YEATS4: variants seen among roughly 807,000 people sequenced by gnomAD.
The protein encoded by YEATS4 is YEATS domain containing 4.
Under a neutral mutation model 30.1 loss-of-function variants are expected in YEATS4, and 17 were observed. The observed-to-expected ratio is 0.56, with a 90% CI of 0.39 to 0.85. The LOEUF is 0.85. Among genes scored for constraint, YEATS4 ranks in the 40% least tolerant of loss-of-function variants. The pLI, the probability that YEATS4 is intolerant of heterozygous loss-of-function variation, is 0.00. For missense variants in YEATS4, 142 were observed against 268.3 expected, an observed-to-expected ratio of 0.53 and a Z score of 3.29; for synonymous variants, 85 against 87.5, an observed-to-expected ratio of 0.97 and a Z score of 0.16.
At chr12:69,408,879 T>C in the YEATS4 span, among the ~76,000 whole-genome samples, 1 of 152,174 alleles carries the variant, frequency 6.6e-6, no homozygotes, top group Non-Finnish European at 1.5e-5. Context: ...TCAAAAATAG[T>C]GAGACTCACA....
At chr12:69,414,189 A>G in the YEATS4 span, among the ~76,000 whole-genome samples, 2 of 152,198 alleles carry the variant, frequency 1.3e-5, no homozygotes, top group Non-Finnish European at 2.9e-5. Context: ...CTAAGCAACG[A>G]TTGCATGTTC....
intron 2 of YEATS4, chr12:69,364,281 A>G (rs1875344131): frequency 2.9e-6 from 1 of 350,646 alleles, no homozygotes; most frequent in African/African-American, 2.2e-5. Flanking sequence ...GTAAGACTCC[A>G]TCTCTACAGA....
chr12:69,382,271 A>G (rs1161029919), intron 6 of YEATS4, among the ~76,000 whole-genome samples: 1 of 152,156 alleles, frequency 6.6e-6, no homozygotes, highest in Non-Finnish European at 1.5e-5. Context: ...GCTTGTGTCC[A>G]TCCCTTAAGG....
At chr12:69,363,724 C>T (rs1875323901) in intron 2 of YEATS4, among the ~76,000 whole-genome samples, 4 of 152,174 alleles carry the variant, frequency 2.6e-5, no homozygotes, top group Admixed American at 2.6e-4. Flanking sequence ...ATTTAAAACC[C>T]TTCAGAGTCT....
the YEATS4 span, among the ~76,000 whole-genome samples, chr12:69,402,822 C>G: frequency 4.7e-5 from 7 of 148,132 alleles, no homozygotes; most frequent in African/African-American, 1.7e-4. Flanking sequence ...ATCTCCTGGG[C>G]TCATGCAATT....
chr12:69,373,795 T>C (rs1641621025), intron 6 of YEATS4, among the ~76,000 whole-genome samples: 2 of 152,206 alleles, frequency 1.3e-5, no homozygotes, highest in Admixed American at 1.3e-4. Flanking sequence ...TTAATTTGAT[T>C]TTTGTATATG....
chr12:69,391,737 TATC>T (rs1868317331), downstream of YEATS4, among the ~76,000 whole-genome samples: 1 of 152,162 alleles, frequency 6.6e-6, no homozygotes, highest in Admixed American at 6.5e-5. Context: ...CTGCCAGGCT[TATC>T]ATGATAAGAT....
chr12:69,378,784 A>G (rs2121009398), intron 6 of YEATS4, among the ~76,000 whole-genome samples: 1 of 152,280 alleles, frequency 6.6e-6, no homozygotes, highest in East Asian at 1.9e-4. Flanking sequence ...TCATATTTCT[A>G]CCTAAGACTT....
At chr12:69,410,084 T>C in the YEATS4 span, among the ~76,000 whole-genome samples, 1 of 152,218 alleles carries the variant, frequency 6.6e-6, no homozygotes, top group Non-Finnish European at 1.5e-5. Context: ...TGAAACTATA[T>C]TATGGCAGCC....
In YEATS4 at chr12:69,380,699, G is replaced by A. The variant is rs141716454; in HGVS notation, c.515-9448G>A. Among the ~76,000 whole-genome samples, 6 of 152,320 alleles carry A rather than the reference G, an allele frequency of 3.9e-5. No homozygotes were observed. In the East Asian group the frequency reaches 1.2e-3, roughly 29 times the overall value. On this transcript the variant is annotated intron_variant, in intron 6 of 6. Coordinates refer to ENST00000247843, the MANE Select transcript of YEATS4 (RefSeq NM_006530.4). Reference sequence around the variant, plus strand: ...GGGGAAATTCAGCCAGATATCGGGTGAAATTCACCCCCAATATTTCACGTA... The same window carrying A: ...GGGGAAATTCAGCCAGATATCGGGTAAAATTCACCCCCAATATTTCACGTA...
the YEATS4 span, among the ~76,000 whole-genome samples, chr12:69,405,722 G>A: frequency 1.3e-5 from 2 of 152,128 alleles, no homozygotes; most frequent in Non-Finnish European, 2.9e-5. Context: ...AGGATGGAGT[G>A]GAACTGCAAG....
the YEATS4 span, among the ~76,000 whole-genome samples, chr12:69,402,336 C>T: frequency 1.2e-5 from 1 of 83,752 alleles, no homozygotes; most frequent in African/African-American, 3.8e-5. Context: ...TGGGGCCATT[C>T]GTTGTGGGCC....
chr12:69,360,061 C>G (rs1463347405), intron 1 of YEATS4, 38 bp downstream of exon 1: 13 of 1,605,622 alleles, frequency 8.1e-6, no homozygotes, highest in Admixed American at 1.7e-5. Flanking sequence ...GGGTGGCTCT[C>G]CCGCCTCGGT....
intron 4 of YEATS4, among the ~76,000 whole-genome samples, chr12:69,366,825 T>G (rs574316029): frequency 5.3e-4 from 81 of 152,348 alleles, no homozygotes; most frequent in Admixed American, 2.4e-3. Flanking sequence ...GACCAGTATT[T>G]CAGCAAACCG....
At chr12:69,426,614 G>T in the YEATS4 span, among the ~76,000 whole-genome samples, 1 of 152,008 alleles carries the variant, frequency 6.6e-6, no homozygotes, top group Non-Finnish European at 1.5e-5. Flanking sequence ...CAGGTGATCC[G>T]CCTGCCTCAG....
the YEATS4 span, among the ~76,000 whole-genome samples, chr12:69,412,530 G>A: frequency 1.3e-5 from 2 of 152,120 alleles, no homozygotes; most frequent in Admixed American, 6.5e-5. Flanking sequence ...GCAGGGGCCT[G>A]TAGTCCCAGA....
chr12:69,375,721 C>T lies in YEATS4; in HGVS notation c.514+4746C>T, dbSNP rs557076944. On this transcript the variant is annotated intron_variant, in intron 6 of 6. Coordinates refer to ENST00000247843, the MANE Select transcript of YEATS4 (RefSeq NM_006530.4). ...CTGGAGACCAGCCCAGCCAACACGG[C>T]GAAACCCCGTCTCCACCAAAAAATA... 5.9e-5 allele frequency among the ~76,000 whole-genome samples: 9 copies of T among 152,258 alleles called. No homozygotes were observed. The East Asian group carries it at 1.7e-3, about 30-fold the overall frequency.
At chr12:69,376,560 G>A (rs550791885) in intron 6 of YEATS4, among the ~76,000 whole-genome samples, 3 of 152,288 alleles carry the variant, frequency 2.0e-5, no homozygotes, top group East Asian at 1.9e-4. Flanking sequence ...GATAAATCCC[G>A]CTTGGTCACG....
Position 69,365,599 on chromosome 12 carries a change from A to G in YEATS4, c.172-34A>G, listed in dbSNP as rs76250346. ...ATTTTTTTTCCTAGTTTTCATTTGT[A>G]GATCATAAAACTAACTAATTCCTTA... On this transcript the variant is annotated intron_variant, in intron 2 of 6. Transcript: ENST00000247843. 903 of 1,478,588 alleles carry G rather than the reference A, an allele frequency of 6.1e-4. 3 individuals are homozygous for G. In the African/African-American group the frequency reaches 0.011, roughly 19 times the overall value. 91.6% of individuals were successfully genotyped at this position (1,478,588 alleles called of 1,614,324 possible).
Sources: gnomAD v4.1 joint callset for allele counts (sites outside exome capture counted in the v4.1 genomes callset) on GRCh38, gnomAD v4.1.1 for gene constraint, MANE v1.5 for transcripts, NCBI Gene and HGNC (gene_info 2026-07-23, HGNC 2026-07-21) for gene names.